The following UGT2B7 variants were observed in gnomAD, a reference collection of about 807,000 sequenced individuals.
UGT2B7 encodes UDP glucuronosyltransferase family 2 member B7.
UGT2B7 carries 51 observed loss-of-function variants against 51.9 expected under a neutral mutation model. The observed-to-expected ratio is 0.98, with a 90% CI of 0.78 to 1.24. The LOEUF is 1.24. UGT2B7 is among the 50% of genes most tolerant of loss of function. The pLI is 0.00. For synonymous variants in UGT2B7, 225 were observed against 211.6 expected (o/e 1.06, Z -0.55); for missense variants, 727 against 628.4 (o/e 1.16, Z -1.68).
At chr4:69,085,867 T>A (rs1163681690) in intron 1 of UGT2B7, among the ~76,000 whole-genome samples, 1 of 151,874 alleles carries the variant, frequency 6.6e-6, no homozygotes, top group Non-Finnish European at 1.5e-5. Context: ...GTGTATCAGT[T>A]GTTATGTATC....
upstream of UGT2B7, chr4:69,096,450 T>A: frequency 2.5e-6 from 4 of 1,595,740 alleles, no homozygotes; most frequent in Non-Finnish European, 2.6e-6. Context: ...GGCTAATTTA[T>A]CTTTGGACAT....
upstream of UGT2B7, among the ~76,000 whole-genome samples, chr4:69,092,355 A>G (rs958870186): frequency 6.6e-6 from 1 of 152,168 alleles, no homozygotes; most frequent in African/African-American, 2.4e-5. Context: ...AGTGTTGTCT[A>G]CAGTCAGGCA....
chr4:69,077,080 C>T (rs1718723208), intron 1 of UGT2B7, among the ~76,000 whole-genome samples: 1 of 152,092 alleles, frequency 6.6e-6, no homozygotes, highest in African/African-American at 2.4e-5. Context: ...TGTCAAAGAT[C>T]AGGTGGTTGT....
intron 1 of UGT2B7, among the ~76,000 whole-genome samples, chr4:69,074,863 G>A (rs1360898394): frequency 6.6e-6 from 1 of 151,970 alleles, no homozygotes; most frequent in Non-Finnish European, 1.5e-5. Flanking sequence ...TTTATACTAG[G>A]CTGTATATGT....
intron 1 of UGT2B7, among the ~76,000 whole-genome samples, chr4:69,079,398 G>A (rs900329854): frequency 2.0e-5 from 3 of 152,136 alleles, no homozygotes; most frequent in Non-Finnish European, 4.4e-5. Context: ...AGGAGTTAAA[G>A]GGTCCAGCTC....
chr4:69,091,393 AT>A (rs1254921633), intron 2 of UGT2B7, among the ~76,000 whole-genome samples: 2 of 144,774 alleles, frequency 1.4e-5, no homozygotes, highest in Non-Finnish European at 3.0e-5. Context: ...AACTTTAAAG[AT>A]TTTGTTTTTT....
At chr4:69,072,821 C>T (rs1171400029) in intron 1 of UGT2B7, among the ~76,000 whole-genome samples, 4 of 152,172 alleles carry the variant, frequency 2.6e-5, no homozygotes, top group Non-Finnish European at 4.4e-5. Flanking sequence ...TATTTGCACC[C>T]AGGGGACAAT....
chr4:69,071,227 C>T (rs1718593025), intron 1 of UGT2B7, among the ~76,000 whole-genome samples: 1 of 152,096 alleles, frequency 6.6e-6, no homozygotes, highest in African/African-American at 2.4e-5. Flanking sequence ...GAAATATGAT[C>T]TCACCTTTCT....
At chr4:69,089,729 T>A (rs894338400) in intron 2 of UGT2B7, 2 of 152,234 alleles carry the variant, frequency 1.3e-5, no homozygotes, top group African/African-American at 4.8e-5. Flanking sequence ...ATAGAATAAT[T>A]TAAAGCATTA....
At chr4:69,053,262 T>C (rs1309654509) in intron 1 of UGT2B7, among the ~76,000 whole-genome samples, 1 of 152,188 alleles carries the variant, frequency 6.6e-6, no homozygotes, top group Non-Finnish European at 1.5e-5. Flanking sequence ...GAAGCATTAT[T>C]AAATATGAAA....
Position 69,058,443 on chromosome 4 carries a change from C to T in UGT2B7, c.-159+6841C>T, listed in dbSNP as rs572513942. On this transcript the variant is annotated intron_variant, in intron 1 of 5. Coordinates refer to the UGT2B7 transcript ENST00000502942. ...AATGCCTTTCTGGGAAACAAGAGGA[C>T]CCCGACTAGGACCCAAATGAGGCAG... Among the ~76,000 whole-genome samples, 14 of 152,302 alleles carry T rather than the reference C, an allele frequency of 9.2e-5. No homozygotes were observed. In the East Asian group the frequency reaches 2.7e-3, roughly 29 times the overall value.
upstream of UGT2B7, among the ~76,000 whole-genome samples, chr4:69,092,145 A>T (rs887699480): frequency 1.3e-5 from 2 of 151,970 alleles, no homozygotes; most frequent in Non-Finnish European, 2.9e-5. Context: ...TTGTTATGTT[A>T]CCCAGGCTGG....
chr4:69,111,756 C>CA (rs916570908), intron 5 of UGT2B7, among the ~76,000 whole-genome samples: 2 of 151,720 alleles, frequency 1.3e-5, no homozygotes, highest in Admixed American at 6.6e-5. Flanking sequence ...TTCTCTGCTT[C>CA]AAAAAAAATT....
intron 1 of UGT2B7, among the ~76,000 whole-genome samples, chr4:69,059,800 C>T (rs1375978773): frequency 6.6e-6 from 1 of 152,224 alleles, no homozygotes; most frequent in Non-Finnish European, 1.5e-5. Context: ...GAATATAGAC[C>T]AGTACAGAAT....
intron 1 of UGT2B7, among the ~76,000 whole-genome samples, chr4:69,051,927 T>A (rs1010662256): frequency 1.3e-5 from 2 of 152,228 alleles, no homozygotes; most frequent in Non-Finnish European, 2.9e-5. Flanking sequence ...AAAGTGTGTG[T>A]GTGCCCTTTT....
At chr4:69,052,110 T>C (rs1226528215) in intron 1 of UGT2B7, among the ~76,000 whole-genome samples, 1 of 151,954 alleles carries the variant, frequency 6.6e-6, no homozygotes, top group East Asian at 1.9e-4. Flanking sequence ...ACTTAGAGCT[T>C]TGTGTGAAAT....
At chr4:69,099,884 AC>A (rs1719369135) in intron 2 of UGT2B7, among the ~76,000 whole-genome samples, 1 of 152,032 alleles carries the variant, frequency 6.6e-6, no homozygotes, top group African/African-American at 2.4e-5. Flanking sequence ...TACCCTGTGG[AC>A]TTGATTAAAA....
At chr4:69,052,176 C>T (rs148727853) in intron 1 of UGT2B7, among the ~76,000 whole-genome samples, 4,980 of 152,104 alleles carry the variant, frequency 0.033, 262 homozygotes, top group African/African-American at 0.11. Flanking sequence ...GGACAGGTCC[C>T]TTGTTTCAAA....
chr4:69,071,768 A>G (rs1196300678), intron 1 of UGT2B7, among the ~76,000 whole-genome samples: 1 of 152,122 alleles, frequency 6.6e-6, no homozygotes, highest in African/African-American at 2.4e-5. Flanking sequence ...GCCACTAGAA[A>G]GAAACAAATA....
Sources: gnomAD v4.1 joint callset for allele counts (sites outside exome capture counted in the v4.1 genomes callset) on GRCh38, gnomAD v4.1.1 for gene constraint, MANE v1.5 for transcripts, NCBI Gene and HGNC (gene_info 2026-07-23, HGNC 2026-07-21) for gene names.